TMEM108: variants seen among roughly 807,000 people sequenced by gnomAD.
TMEM108 encodes the protein transmembrane protein 108.
Under a neutral mutation model 35.1 loss-of-function variants are expected in TMEM108, and 12 were observed. The observed-to-expected ratio is 0.34, with a 90% CI of 0.22 to 0.55. TMEM108 has a LOEUF of 0.55. Ranked by LOEUF, TMEM108 falls within the 20% of genes least tolerant of loss-of-function variation. The pLI is 0.89. For missense variants in TMEM108, 680 were observed against 753.3 expected (o/e 0.90, Z 1.14); for synonymous variants, 287 against 308.6 (o/e 0.93, Z 0.73).
chr3:133,132,440 C>T (rs1026977993), intron 2 of TMEM108, among the ~76,000 whole-genome samples: 18 of 152,154 alleles, frequency 1.2e-4, no homozygotes, highest in Admixed American at 6.6e-5. Context: ...GCTTTATAAA[C>T]GGAACAACAT....
chr3:133,320,205 C>G (rs920444136), intron 3 of TMEM108, among the ~76,000 whole-genome samples: 4 of 152,032 alleles, frequency 2.6e-5, no homozygotes, highest in South Asian at 4.2e-4. Flanking sequence ...ATAAAGAGTT[C>G]AGAAGGTTGA....
At chr3:133,385,691 T>A (rs965501237) in intron 4 of TMEM108, among the ~76,000 whole-genome samples, 3 of 152,236 alleles carry the variant, frequency 2.0e-5, no homozygotes, top group Non-Finnish European at 4.4e-5. Context: ...TAAGCCTGCA[T>A]AGATCATTAG....
At chr3:133,136,202 G>T (rs1057306769) in intron 2 of TMEM108, among the ~76,000 whole-genome samples, 1 of 152,116 alleles carries the variant, frequency 6.6e-6, no homozygotes, top group Non-Finnish European at 1.5e-5. Context: ...CAAAATTATT[G>T]CTTCTGAGCA....
At chr3:133,330,118 G>A (rs1475747389) in intron 3 of TMEM108, among the ~76,000 whole-genome samples, 1 of 152,210 alleles carries the variant, frequency 6.6e-6, no homozygotes, top group Non-Finnish European at 1.5e-5. Context: ...ACCCTGAAAT[G>A]TGCTAGATCA....
intron 2 of TMEM108, among the ~76,000 whole-genome samples, chr3:133,201,256 CA>C (rs1945661285): frequency 6.6e-6 from 1 of 151,830 alleles, no homozygotes; most frequent in East Asian, 1.9e-4. Flanking sequence ...GAGGTATAGC[CA>C]ATTTTCTTCA....
At chr3:133,063,045 T>G (rs888336114) in intron 2 of TMEM108, among the ~76,000 whole-genome samples, 1 of 152,072 alleles carries the variant, frequency 6.6e-6, no homozygotes, top group African/African-American at 2.4e-5. Flanking sequence ...ATCCAATGGG[T>G]TGGAGGTCTC....
At chr3:133,305,037 C>T (rs1207504000) in intron 3 of TMEM108, among the ~76,000 whole-genome samples, 2 of 151,920 alleles carry the variant, frequency 1.3e-5, no homozygotes, top group Non-Finnish European at 2.9e-5. Flanking sequence ...AAGCCAAGAT[C>T]GCACCACTGC....
At chr3:133,390,436 G>A in intron 5 of TMEM108, 102 bp downstream of exon 5, 1 of 1,321,610 alleles carries the variant, frequency 7.6e-7, no homozygotes, top group Non-Finnish European at 1.1e-6. Flanking sequence ...TTAACGTATG[G>A]CCCATGGACC....
intron 2 of TMEM108, among the ~76,000 whole-genome samples, chr3:133,202,575 T>C (rs140962849): frequency 0.043 from 6,560 of 152,294 alleles, 173 homozygotes; most frequent in Non-Finnish European, 0.062. Flanking sequence ...CTTGTTTTTG[T>C]CAGGTTTGTC....
chr3:133,178,945 A>T (rs1454761562), intron 2 of TMEM108, among the ~76,000 whole-genome samples: 13 of 152,152 alleles, frequency 8.5e-5, no homozygotes, highest in Non-Finnish European at 1.6e-4. Flanking sequence ...TCTACAAAGA[A>T]CTCAAACAAA....
intron 3 of TMEM108, among the ~76,000 whole-genome samples, chr3:133,307,706 C>T (rs894581009): frequency 1.3e-5 from 2 of 152,012 alleles, no homozygotes; most frequent in Non-Finnish European, 2.9e-5. Flanking sequence ...ATTTCTGAGG[C>T]CTTTGTTCTG....
chr3:133,178,667 A>T (rs146830272), intron 2 of TMEM108, among the ~76,000 whole-genome samples: 1,546 of 152,356 alleles, frequency 0.01, 37 homozygotes, highest in African/African-American at 0.035. Context: ...TCCAAGGTGG[A>T]TTAAAGACTT....
chr3:133,049,246 A>G (rs1041057785), intron 2 of TMEM108, among the ~76,000 whole-genome samples: 2 of 152,160 alleles, frequency 1.3e-5, no homozygotes, highest in Non-Finnish European at 2.9e-5. Context: ...TGCATTGTCT[A>G]ATACAGTAGC....
chr3:133,183,342 A>G (rs572574621), intron 2 of TMEM108, among the ~76,000 whole-genome samples: 2 of 152,270 alleles, frequency 1.3e-5, no homozygotes, highest in African/African-American at 4.8e-5. Context: ...TATGATTCCT[A>G]AGTCACAGTG....
intron 2 of TMEM108, among the ~76,000 whole-genome samples, chr3:133,162,287 C>T (rs1249869255): frequency 1.3e-5 from 2 of 152,112 alleles, no homozygotes; most frequent in Non-Finnish European, 2.9e-5. Context: ...CTCTATAGGT[C>T]CTCCTTTGGA....
intron 3 of TMEM108, among the ~76,000 whole-genome samples, chr3:133,371,742 A>G (rs912547601): frequency 5.9e-5 from 9 of 151,966 alleles, no homozygotes; most frequent in African/African-American, 1.9e-4. Context: ...TGTGGTGGTC[A>G]TTTTTGGAAA....
At chr3:133,203,185 A>G (rs1348633392) in intron 2 of TMEM108, among the ~76,000 whole-genome samples, 1 of 152,058 alleles carries the variant, frequency 6.6e-6, no homozygotes, top group East Asian at 1.9e-4. Context: ...GCTTAAGGAG[A>G]TTTTGGGCTG....
intron 3 of TMEM108, among the ~76,000 whole-genome samples, chr3:133,323,694 C>A (rs918116275): frequency 6.6e-6 from 1 of 152,088 alleles, no homozygotes; most frequent in Non-Finnish European, 1.5e-5. Context: ...TCATATGGAA[C>A]CATAAAAGAC....
At chr3:133,063,444 G>A (rs1943558460) in intron 2 of TMEM108, among the ~76,000 whole-genome samples, 1 of 152,158 alleles carries the variant, frequency 6.6e-6, no homozygotes. Context: ...CAGGGAATGT[G>A]GGGAGAAAAT....
Sources: gnomAD v4.1 joint callset for allele counts (sites outside exome capture counted in the v4.1 genomes callset) on GRCh38, gnomAD v4.1.1 for gene constraint, MANE v1.5 for transcripts, NCBI Gene and HGNC (gene_info 2026-07-23, HGNC 2026-07-21) for gene names.